GYS2: variants seen among roughly 807,000 people sequenced by gnomAD.
GYS2 encodes glycogen [starch] synthase, liver.
In GYS2, 80 loss-of-function variants were observed where a neutral mutation model predicts 85.6. The observed-to-expected ratio is 0.93, with a 90% CI of 0.78 to 1.13. GYS2 has a LOEUF of 1.13. GYS2 is among the 50% of genes most tolerant of loss of function. The probability of loss-of-function intolerance (pLI) is 0.00; values close to 1 mark genes in which losing one functional copy is unlikely to be tolerated. For missense variants in GYS2, 881 were observed against 854.9 expected, an observed-to-expected ratio of 1.03 and a Z score of -0.38; for synonymous variants, 328 against 300.7, an observed-to-expected ratio of 1.09 and a Z score of -0.94.
At chr12:21,589,318 AT>A (rs1423511733) in intron 1 of GYS2, among the ~76,000 whole-genome samples, 3 of 152,242 alleles carry the variant, frequency 2.0e-5, no homozygotes, top group Non-Finnish European at 2.9e-5. Context: ...TAGTTAACTA[AT>A]TCGCTACTTC....
Position 21,559,129 on chromosome 12 carries a change from C to A in GYS2, c.1270G>T (p.Asp424Tyr). The part of the protein sequence containing the change: ...PDLNDILDRD[D>Y]LTIMKRAIFS... ...ATGGCTCTTTTCATAATTGTTAGAT[C>A]ATCTCGATCTAAAATATCGTTCAGG... Residue 424 changes from aspartate to tyrosine, a missense_variant, in exon 10 of 16, where the codon GAT becomes TAT. Physicochemically the swap from Asp to Tyr is radical, Grantham distance 160. Coordinates refer to ENST00000261195, the MANE Select transcript of GYS2 (RefSeq NM_021957.4). The A allele has an allele frequency of 6.2e-7, 1 of 1,609,462 alleles. No homozygotes were observed. Among genetic ancestry groups the A allele is most frequent in the South Asian group, 1.1e-5 (1 of 90,792 alleles).
At chr12:21,567,655 G>A (rs1944337344) in intron 5 of GYS2, among the ~76,000 whole-genome samples, 1 of 151,842 alleles carries the variant, frequency 6.6e-6, no homozygotes, top group African/African-American at 2.4e-5. Context: ...TAATTAGGAT[G>A]ATTTCGTTGC....
At chr12:21,574,065 G>T in intron 4 of GYS2, 79 bp downstream of exon 4, 1 of 1,133,402 alleles carries the variant, frequency 8.8e-7, no homozygotes, top group Middle Eastern at 2.0e-4. Flanking sequence ...CAGATGAAAT[G>T]TACAGATCAA....
intron 8 of GYS2, among the ~76,000 whole-genome samples, chr12:21,560,019 G>A (rs1944233044): frequency 6.6e-6 from 1 of 152,114 alleles, no homozygotes; most frequent in African/African-American, 2.4e-5. Flanking sequence ...AACAAGACGG[G>A]AATTCGTTGA....
At chr12:21,594,524 G>A (rs145931126) in intron 1 of GYS2, among the ~76,000 whole-genome samples, 1 of 151,998 alleles carries the variant, frequency 6.6e-6, no homozygotes, top group Non-Finnish European at 1.5e-5. Context: ...AAAATATTTA[G>A]GGATAAATTT....
intron 11 of GYS2, among the ~76,000 whole-genome samples, chr12:21,547,655 T>C (rs1257952979): frequency 6.6e-6 from 1 of 152,166 alleles, no homozygotes; most frequent in Non-Finnish European, 1.5e-5. Context: ...AGACAATTTT[T>C]AGGGCAGTGA....
At chr12:21,564,395 C>A (rs1251811760) in intron 5 of GYS2, among the ~76,000 whole-genome samples, 1 of 151,574 alleles carries the variant, frequency 6.6e-6, no homozygotes, top group African/African-American at 2.4e-5. Flanking sequence ...CACGCCACTG[C>A]ACTTCAGCCT....
At chr12:21,593,874 G>T (rs1181552691) in intron 1 of GYS2, among the ~76,000 whole-genome samples, 1 of 152,180 alleles carries the variant, frequency 6.6e-6, no homozygotes, top group East Asian at 1.9e-4. Flanking sequence ...CAAAATACTA[G>T]CAAACTGAAT....
chr12:21,562,812 C>G, intron 7 of GYS2, 106 bp downstream of exon 7: 1 of 1,202,356 alleles, frequency 8.3e-7, no homozygotes, highest in Non-Finnish European at 1.2e-6. Flanking sequence ...ATACGATTAT[C>G]GTTTATTCTC....
intron 11 of GYS2, 73 bp from the exon 12 acceptor site, chr12:21,546,543 G>C: frequency 2.2e-6 from 2 of 928,966 alleles, no homozygotes; most frequent in Non-Finnish European, 3.4e-6. Flanking sequence ...CTACAATTTG[G>C]TTATTTCAGT....
chr12:21,564,930 T>C (rs1338708834), intron 5 of GYS2, among the ~76,000 whole-genome samples: 1 of 152,196 alleles, frequency 6.6e-6, no homozygotes, highest in Non-Finnish European at 1.5e-5. Context: ...CAAAGCAGCC[T>C]GGCTCAGGAG....
At chr12:21,575,226 A>G (rs2136904922) in intron 3 of GYS2, among the ~76,000 whole-genome samples, 1 of 152,350 alleles carries the variant, frequency 6.6e-6, no homozygotes, top group African/African-American at 2.4e-5. Context: ...ATCAAATAGC[A>G]GCTTTGTAAC....
Position 21,574,221 on chromosome 12 carries a change from T to C in GYS2, c.601A>G (p.Ile201Val). Residue 201 changes from isoleucine (I) to valine (V), a missense_variant, in exon 4 of 16, where the codon ATA becomes GTA. Ile to Val is a conservative substitution (Grantham distance 29). Transcript: ENST00000261195. ...SRARKLPIAT[I>V]FTTHATLLGR... The stretch of plus-strand genomic sequence containing the variant: ...AGTAGTGTAGCGTGGGTTGTAAATA[T>C]TGTGGCAATAGGAAGTTTCCTGGCT... 1.2e-6 allele frequency: 2 copies of C among 1,613,590 alleles called. No homozygotes were observed. Among genetic ancestry groups the C allele is most frequent in the Non-Finnish European group, 1.7e-6 (2 of 1,179,492 alleles).
intron 15 of GYS2, among the ~76,000 whole-genome samples, chr12:21,537,961 A>C (rs1328495889): frequency 6.6e-6 from 1 of 152,204 alleles, no homozygotes; most frequent in African/African-American, 2.4e-5. Context: ...ATATCATGTC[A>C]TACATGTACA....
intron 11 of GYS2, among the ~76,000 whole-genome samples, chr12:21,549,114 A>G (rs1944076517): frequency 6.6e-6 from 1 of 152,178 alleles, no homozygotes; most frequent in African/African-American, 2.4e-5. Context: ...ATTACTAATG[A>G]CAAGAGCATG....
chr12:21,592,490 A>C (rs1944651058), intron 1 of GYS2, among the ~76,000 whole-genome samples: 1 of 152,104 alleles, frequency 6.6e-6, no homozygotes, highest in South Asian at 2.1e-4. Flanking sequence ...GAGCAAAAGT[A>C]GTTATACCTA....
In GYS2 at chr12:21,540,440, T is replaced by C. The variant is rs1375040146; in HGVS notation, c.1779A>G (p.Ser593=). 2.3e-5 allele frequency: 37 copies of C among 1,613,976 alleles called. No homozygotes were observed. Among genetic ancestry groups the C allele is most frequent in the Non-Finnish European group, 3.0e-5 (35 of 1,179,968 alleles). Residue 593 remains serine, a synonymous_variant, in exon 14 of 16, where the codon TCA becomes TCG. Transcript: ENST00000261195. The stretch of plus-strand genomic sequence containing the variant: ...CTAAGTATCTCCAATCCAGAAGATC[T>C]GAGAGCCTCTCAGTTCTGTTCCTCT... ...IIQRNRTERL[S]DLLDWRYLGR...
intron 2 of GYS2, among the ~76,000 whole-genome samples, chr12:21,578,245 C>A (rs149310096): frequency 4.8e-4 from 73 of 152,266 alleles, no homozygotes; most frequent in African/African-American, 1.6e-3. Context: ...TTCTTTCTGG[C>A]TTTGCTTACT....
At chr12:21,596,951 C>A (rs1944703466) in intron 1 of GYS2, among the ~76,000 whole-genome samples, 1 of 152,066 alleles carries the variant, frequency 6.6e-6, no homozygotes, top group South Asian at 2.1e-4. Flanking sequence ...TTCTATACAC[C>A]AACAGCAACC....
Sources: allele counts gnomAD v4.1 joint callset (sites outside exome capture counted in the v4.1 genomes callset), GRCh38; gene constraint gnomAD v4.1.1; transcripts MANE v1.5; gene names NCBI Gene and HGNC (gene_info 2026-07-23, HGNC 2026-07-21).